The following AGBL1 variants were observed in gnomAD, a reference collection of about 807,000 sequenced individuals.
AGBL1 encodes the protein AGBL carboxypeptidase 1.
AGBL1 carries 130 observed loss-of-function variants against 118.9 expected under a neutral mutation model. The ratio of observed to expected loss-of-function variants is 1.09; its 90% CI spans 0.95 to 1.26. The LOEUF (loss-of-function observed/expected upper bound fraction) is 1.26, where lower values mean the gene tolerates loss of function less well. Ranked by LOEUF, AGBL1 falls within the 50% of genes most tolerant of loss-of-function variation. The probability of loss-of-function intolerance (pLI) is 0.00; values close to 1 mark genes in which losing one functional copy is unlikely to be tolerated. For missense variants in AGBL1, 1,584 were observed against 1,298.1 expected, an observed-to-expected ratio of 1.22 and a Z score of -3.38; for synonymous variants, 555 against 478.9, an observed-to-expected ratio of 1.16 and a Z score of -2.08.
At chr15:86,550,757 T>C (rs2083652965) in intron 20 of AGBL1, among the ~76,000 whole-genome samples, 1 of 151,842 alleles carries the variant, frequency 6.6e-6, no homozygotes, top group Non-Finnish European at 1.5e-5. Flanking sequence ...ATATAGCAGT[T>C]CTTTTCAAAA....
intron 17 of AGBL1, among the ~76,000 whole-genome samples, chr15:86,336,108 C>T (rs2141872426): frequency 6.6e-6 from 1 of 152,324 alleles, no homozygotes; most frequent in Non-Finnish European, 1.5e-5. Flanking sequence ...TTCGAAGAAG[C>T]AGCCAAAACT....
At chr15:86,365,986 A>G (rs1477707002) in intron 17 of AGBL1, among the ~76,000 whole-genome samples, 1 of 152,212 alleles carries the variant, frequency 6.6e-6, no homozygotes, top group Non-Finnish European at 1.5e-5. Context: ...ACTTGAATCA[A>G]AGCAGAGTGG....
At chr15:86,959,582 A>G (rs1028582354) in intron 23 of AGBL1, among the ~76,000 whole-genome samples, 2 of 152,046 alleles carry the variant, frequency 1.3e-5, no homozygotes, top group African/African-American at 2.4e-5. Flanking sequence ...TTGATTTGTT[A>G]TTTGTCAGGA....
chr15:86,674,984 T>C (rs1403521118), intron 22 of AGBL1, among the ~76,000 whole-genome samples: 1 of 152,098 alleles, frequency 6.6e-6, no homozygotes, highest in Non-Finnish European at 1.5e-5. Flanking sequence ...ATCGTGGAGA[T>C]TATTAATGAG....
intron 16 of AGBL1, among the ~76,000 whole-genome samples, chr15:86,281,235 T>G (rs2079348352): frequency 6.6e-6 from 1 of 152,020 alleles, no homozygotes; most frequent in South Asian, 2.1e-4. Context: ...AATACAAAAA[T>G]TAGCCAGGCC....
intron 22 of AGBL1, among the ~76,000 whole-genome samples, chr15:86,800,352 G>A (rs2078632672): frequency 6.6e-6 from 1 of 151,996 alleles, no homozygotes; most frequent in South Asian, 2.1e-4. Context: ...TTGTATTTGT[G>A]TTTTTGTATT....
chr15:86,424,426 A>G (rs951643412), intron 18 of AGBL1, among the ~76,000 whole-genome samples: 7 of 152,254 alleles, frequency 4.6e-5, no homozygotes, highest in African/African-American at 1.7e-4. Flanking sequence ...ACCTAAAACC[A>G]TAAAAACCCT....
intron 23 of AGBL1, among the ~76,000 whole-genome samples, chr15:86,938,607 C>A (rs8038681): frequency 0.71 from 107,567 of 151,894 alleles, 39,224 homozygotes; most frequent in South Asian, 0.88. Flanking sequence ...TCCAGGATAC[C>A]TAACAAAATT....
At chr15:86,919,607 CACACA>C (rs2080464559), downstream of AGBL1, among the ~76,000 whole-genome samples, 1 of 151,666 alleles carries the variant, frequency 6.6e-6, no homozygotes, top group African/African-American at 2.4e-5. Context: ...CACACACACA[CACACA>C]CCCGACTACC....
At chr15:86,562,173 C>T (rs141484458) in intron 21 of AGBL1, among the ~76,000 whole-genome samples, 1 of 152,182 alleles carries the variant, frequency 6.6e-6, no homozygotes, top group African/African-American at 2.4e-5. Context: ...TTGCCCTGGT[C>T]AGAACTTCCA....
At chr15:86,701,277 A>G (rs977963247) in intron 22 of AGBL1, among the ~76,000 whole-genome samples, 2 of 152,174 alleles carry the variant, frequency 1.3e-5, no homozygotes, top group East Asian at 3.9e-4. Context: ...GTGCTTTTAG[A>G]GAGTGGTGTG....
chr15:87,019,071 C>T (rs2081636070), intron 24 of AGBL1, among the ~76,000 whole-genome samples: 1 of 152,044 alleles, frequency 6.6e-6, no homozygotes, highest in African/African-American at 2.4e-5. Flanking sequence ...CAAGAACTAG[C>T]TATCCTAAAT....
chr15:86,414,389 C>T (rs916284906), intron 18 of AGBL1, among the ~76,000 whole-genome samples: 9 of 152,062 alleles, frequency 5.9e-5, no homozygotes, highest in Non-Finnish European at 1.3e-4. Context: ...ATATTTTAGC[C>T]TGTCTAATAT....
At chr15:86,379,344 C>T (rs1445367909) in intron 17 of AGBL1, among the ~76,000 whole-genome samples, 1 of 152,074 alleles carries the variant, frequency 6.6e-6, no homozygotes, top group Non-Finnish European at 1.5e-5. Context: ...ACGATAATAT[C>T]CACTCTTCAT....
At chr15:86,726,535 G>T (rs4887502) in intron 22 of AGBL1, among the ~76,000 whole-genome samples, 91,419 of 151,956 alleles carry the variant, frequency 0.6, 29,011 homozygotes, top group East Asian at 0.79. Flanking sequence ...GGCACAATAC[G>T]CGGCTCTTAA....
intron 18 of AGBL1, among the ~76,000 whole-genome samples, chr15:86,460,347 A>T (rs1243733724): frequency 2.1e-5 from 3 of 140,988 alleles, no homozygotes; most frequent in Non-Finnish European, 4.6e-5. Context: ...AAAAAAAAAA[A>T]TAGCCAGGCG....
intron 17 of AGBL1, chr15:86,296,215 C>CAAAAAAAAA (rs10536464): frequency 9.7e-6 from 1 of 103,306 alleles, no homozygotes; most frequent in African/African-American, 3.3e-5. Flanking sequence ...CTTAGGTAGG[C>CAAAAAAAAA]AAAAAAAAAA....
chr15:86,973,746 G>C (rs2081134776), intron 23 of AGBL1, among the ~76,000 whole-genome samples: 2 of 151,612 alleles, frequency 1.3e-5, no homozygotes, highest in South Asian at 2.1e-4. Flanking sequence ...TGTGTTAAGA[G>C]ACCAGGCTTC....
intron 5 of AGBL1, among the ~76,000 whole-genome samples, chr15:86,209,041 A>C (rs2078045379): frequency 6.6e-6 from 1 of 152,232 alleles, no homozygotes; most frequent in Non-Finnish European, 1.5e-5. Context: ...GTTTCAAAGA[A>C]CATCTTTATT....
Sources: allele counts gnomAD v4.1 joint callset (sites outside exome capture counted in the v4.1 genomes callset), GRCh38; gene constraint gnomAD v4.1.1; transcripts MANE v1.5; gene names NCBI Gene and HGNC (gene_info 2026-07-23, HGNC 2026-07-21).